Variants in DUSP11 observed in about 807,000 individuals in gnomAD.
DUSP11 encodes RNA/RNP complex-1-interacting phosphatase.
In DUSP11, 27 loss-of-function variants were observed where a neutral mutation model predicts 41.4. That is an observed-to-expected ratio of 0.65 (90% CI 0.48 to 0.90). The LOEUF is 0.90. Among genes scored for constraint, DUSP11 ranks in the 40% least tolerant of loss-of-function variants. DUSP11 has a pLI of 0.00. For synonymous variants in DUSP11, 188 were observed against 159.3 expected (o/e 1.18, Z -1.35); for missense variants, 465 against 461.1 (o/e 1.01, Z -0.08).
chr2:73,769,126 G>A, intron 5 of DUSP11, 139 bp downstream of exon 5: 3 of 633,666 alleles, frequency 4.7e-6, no homozygotes, highest in South Asian at 4.5e-5. Context: ...TATTAATGGT[G>A]GTAATCTCTG....
chr2:73,773,781 G>A lies in DUSP11; in HGVS notation c.574+19C>T. ...CATTCATAATGCACACCACAGTTCA[G>A]GTAAGAACAAAAACTCACCATTATC... On this transcript the variant is annotated intron_variant, in intron 4 of 8. Coordinates refer to ENST00000272444, the Ensembl canonical transcript of DUSP11. 4 of 1,597,570 alleles carry A rather than the reference G, an allele frequency of 2.5e-6. No homozygotes were observed. The highest frequency in any genetic ancestry group is 3.4e-6 in the Non-Finnish European group (4 of 1,171,102).
At chr2:73,776,222 G>A in intron 2 of DUSP11, among the ~76,000 whole-genome samples, 1 of 151,810 alleles carries the variant, frequency 6.6e-6, no homozygotes, top group East Asian at 1.9e-4. Context: ...AGACCATCCT[G>A]GCTAACACGG....
At chr2:73,765,819 T>C (rs1672449831) in intron 8 of DUSP11, among the ~76,000 whole-genome samples, 1 of 152,232 alleles carries the variant, frequency 6.6e-6, no homozygotes, top group African/African-American at 2.4e-5. Context: ...ACTACATTAA[T>C]GTAGCCTAAG....
chr2:73,779,345 T>C lies in DUSP11; in HGVS notation c.242+529A>G, dbSNP rs910526368. ...GGATGGTCTCAAGGAGTAAAAACAG[T>C]TCAATGCACCTACGTGCAAAGTCTC... On this transcript the variant is annotated intron_variant, in intron 1 of 8. Coordinates refer to ENST00000272444, the Ensembl canonical transcript of DUSP11. 16 of 164,894 alleles carry C rather than the reference T, an allele frequency of 9.7e-5. No individual in the cohort carries two copies. In the East Asian group the frequency reaches 2.5e-3, roughly 26 times the overall value. The allele number at this position is 164,894 out of a possible 1,614,324, so 10.2% of individuals were successfully genotyped here.
intron 1 of DUSP11, 22 bp downstream of exon 1, chr2:73,779,852 C>T: frequency 5.6e-6 from 9 of 1,612,722 alleles, no homozygotes; most frequent in Non-Finnish European, 7.6e-6. Context: ...AAAGGCCACG[C>T]CAAGGGACCA....
At chr2:73,762,804 G>A (rs1672388151) in exon 9 of DUSP11, 4 of 1,611,400 alleles carry the variant, frequency 2.5e-6, no homozygotes, top group Middle Eastern at 1.7e-4. Context: ...TCTCCAGGGG[G>A]ACCAGGAGGA....
At chr2:73,780,082 C>T (rs554489801) in exon 1 of DUSP11, 10 of 1,581,286 alleles carry the variant, frequency 6.3e-6, no homozygotes, top group Admixed American at 1.9e-5. Flanking sequence ...CGGCAGCCAC[C>T]TACGCCGCGC....
chr2:73,766,296 GA>G, intron 8 of DUSP11, 121 bp downstream of exon 8: 2 of 907,302 alleles, frequency 2.2e-6, no homozygotes, highest in Non-Finnish European at 1.6e-6. Flanking sequence ...ATGACAGAGC[GA>G]GACTCTGTCT....
At chr2:73,775,925 C>A (rs1672675969) in intron 2 of DUSP11, among the ~76,000 whole-genome samples, 1 of 148,136 alleles carries the variant, frequency 6.8e-6, no homozygotes, top group African/African-American at 2.5e-5. Flanking sequence ...GTAGCCCAGG[C>A]TGATCTCAAA....
In DUSP11 at chr2:73,778,282, T is replaced by C; in HGVS notation, c.318+19A>G. On this transcript the variant is annotated intron_variant, in intron 2 of 8. Transcript: ENST00000272444. ...TGAACTCAGATGCCTGAAAGAATAC[T>C]GAATTAACTTTTGCTTACCTTTTGC... The C allele has an allele frequency of 1.9e-6, 3 of 1,556,136 alleles. No homozygotes were observed. The highest frequency in any genetic ancestry group is 2.4e-5 in the South Asian group (2 of 83,510).
chr2:73,764,795 C>T (rs1199793847), intron 8 of DUSP11, among the ~76,000 whole-genome samples: 1 of 152,116 alleles, frequency 6.6e-6, no homozygotes, highest in Non-Finnish European at 1.5e-5. Flanking sequence ...GGTGAAACCC[C>T]CATCTCTACT....
rs761679490 is a variant in DUSP11 at position 73,766,943 on chromosome 2, A to G, written c.683-40T>C. 3.8e-6 allele frequency: 6 copies of G among 1,573,610 alleles called. No individual in the cohort carries two copies. The African/African-American group carries it at 4.1e-5, about 11-fold the overall frequency. ...AACTGTTAGAAATAACTGTACAAAA[A>G]GCAGATCTTTCCAGAAAAAGCAAAT... On this transcript the variant is annotated intron_variant, in intron 6 of 8. Transcript: ENST00000272444.
At chr2:73,777,301 G>C (rs74461776) in intron 2 of DUSP11, among the ~76,000 whole-genome samples, 280 of 152,046 alleles carry the variant, frequency 1.8e-3, no homozygotes, top group Non-Finnish European at 3.1e-3. Context: ...TTTAAGCCCA[G>C]ACATGCAGAG....
Position 73,773,752 on chromosome 2 carries a change from A to G in DUSP11, c.574+48T>C, listed in dbSNP as rs755043299. On this transcript the variant is annotated intron_variant, in intron 4 of 8. Coordinates refer to ENST00000272444, the Ensembl canonical transcript of DUSP11. ...TATAAAAAAATACCAAAAATCCCCA[A>G]CCCCATTCATAATGCACACCACAGT... 3 of 1,544,692 alleles carry G rather than the reference A, an allele frequency of 1.9e-6. No homozygotes were observed. The African/African-American group carries it at 4.1e-5, about 21-fold the overall frequency.
At chr2:73,777,408 C>G (rs1001475640) in intron 2 of DUSP11, among the ~76,000 whole-genome samples, 1 of 152,224 alleles carries the variant, frequency 6.6e-6, no homozygotes, top group Non-Finnish European at 1.5e-5. Context: ...TGATACTAAT[C>G]TGAGCTATGC....
chr2:73,764,827 C>T (rs185612547), intron 8 of DUSP11, among the ~76,000 whole-genome samples: 333 of 152,142 alleles, frequency 2.2e-3, no homozygotes, highest in South Asian at 4.4e-3. Context: ...GTTAGCTGGG[C>T]GTGGTGGCAG....
At chr2:73,777,901 T>C (rs1217161272) in intron 2 of DUSP11, among the ~76,000 whole-genome samples, 3 of 152,306 alleles carry the variant, frequency 2.0e-5, no homozygotes, top group Non-Finnish European at 4.4e-5. Context: ...TTATACTTTG[T>C]TATATTTGGA....
chr2:73,762,800 G>A (rs567574129), exon 9 of DUSP11: 2 of 1,611,994 alleles, frequency 1.2e-6, no homozygotes, highest in Admixed American at 3.4e-5. Context: ...GTCCTCTCCA[G>A]GGGGACCAGG....
rs35764115 is a variant in DUSP11 at position 73,775,543 on chromosome 2, C to CT, written c.319-500dup. The stretch of plus-strand genomic sequence containing the variant: ...ACAGGCATGAACCACCACACCTGGC[C>CT]TTTTTTTTTTTTTTTTAAAGAGATA... On this transcript the variant is annotated intron_variant, in intron 2 of 8. Transcript: ENST00000272444. Among the ~76,000 whole-genome samples the CT allele has an allele frequency of 6.3e-3, 845 of 135,184 alleles. 13 individuals carry two copies. Among genetic ancestry groups the CT allele is most frequent in the African/African-American group, 0.02 (724 of 36,398 alleles). The allele number at this position is 135,184 out of a possible 152,430, so 88.7% of individuals were successfully genotyped here. A position where few individuals can be genotyped will look rare whatever the true frequency, so the allele number is the denominator to read the frequency against.
Sources: gnomAD v4.1 joint callset for allele counts (sites outside exome capture counted in the v4.1 genomes callset) on GRCh38, gnomAD v4.1.1 for gene constraint, MANE v1.5 for transcripts, NCBI Gene and HGNC (gene_info 2026-07-23, HGNC 2026-07-21) for gene names.